SPAG16: variants seen among roughly 807,000 people sequenced by gnomAD.
SPAG16 encodes the protein sperm-associated antigen 16 protein.
In SPAG16, 86 loss-of-function variants were observed where a neutral mutation model predicts 80.4. That is an observed-to-expected ratio of 1.07 (90% CI 0.90 to 1.28). The LOEUF is 1.28. Among genes scored for constraint, SPAG16 ranks in the 50% most tolerant of loss-of-function variants. The pLI is 0.00. For missense variants in SPAG16, 870 were observed against 765.3 expected (o/e 1.14, Z -1.61); for synonymous variants, 294 against 265.9 (o/e 1.11, Z -1.03).
At chr2:213,574,073 TTA>T (rs975864583) in intron 10 of SPAG16, among the ~76,000 whole-genome samples, 5 of 152,142 alleles carry the variant, frequency 3.3e-5, no homozygotes, top group African/African-American at 1.2e-4. Context: ...ATAAATAACT[TTA>T]TGTTTTGATA....
intron 10 of SPAG16, among the ~76,000 whole-genome samples, chr2:213,721,662 C>T (rs2066540519): frequency 6.6e-6 from 1 of 152,076 alleles, no homozygotes; most frequent in African/African-American, 2.4e-5. Context: ...AGCACTGAAT[C>T]ATACTGCATG....
chr2:213,375,300 G>A, intron 9 of SPAG16, 181 bp downstream of exon 9: 1 of 458,460 alleles, frequency 2.2e-6, no homozygotes, highest in Non-Finnish European at 4.0e-6. Context: ...AGTTAATTCA[G>A]GGACACAGGC....
At chr2:213,909,722 T>C (rs566587009) in intron 11 of SPAG16, among the ~76,000 whole-genome samples, 157 of 152,234 alleles carry the variant, frequency 1.0e-3, no homozygotes, top group South Asian at 1.2e-3. Context: ...ATACAAAAAT[T>C]AATTCAAGAT....
At chr2:214,042,571 A>G (rs1414135676) in intron 13 of SPAG16, among the ~76,000 whole-genome samples, 1 of 152,186 alleles carries the variant, frequency 6.6e-6, no homozygotes, top group Non-Finnish European at 1.5e-5. Context: ...TAGGAAAAAT[A>G]TTATCCTTTG....
intron 9 of SPAG16, among the ~76,000 whole-genome samples, chr2:213,380,185 A>G (rs1204054243): frequency 2.0e-5 from 3 of 152,088 alleles, no homozygotes; most frequent in African/African-American, 7.2e-5. Context: ...CTTCCATGCA[A>G]AGTGCACAAC....
intron 10 of SPAG16, among the ~76,000 whole-genome samples, chr2:213,776,834 C>A (rs529330538): frequency 8.0e-5 from 10 of 125,636 alleles, no homozygotes; most frequent in East Asian, 3.0e-4. Flanking sequence ...CCACCCCCCC[C>A]CCACCCCAGG....
chr2:213,834,838 G>A (rs2073988312), intron 10 of SPAG16, among the ~76,000 whole-genome samples: 1 of 152,102 alleles, frequency 6.6e-6, no homozygotes, highest in Admixed American at 6.6e-5. Flanking sequence ...ATCATATTCT[G>A]TTTGCCTTCA....
At chr2:214,233,368 G>T (rs1238441107) in intron 15 of SPAG16, among the ~76,000 whole-genome samples, 1 of 151,766 alleles carries the variant, frequency 6.6e-6, no homozygotes, top group Non-Finnish European at 1.5e-5. Flanking sequence ...TGATGATGAT[G>T]ATGATGATGA....
intron 10 of SPAG16, among the ~76,000 whole-genome samples, chr2:213,712,016 A>C (rs2066015618): frequency 6.6e-6 from 1 of 151,952 alleles, no homozygotes. Flanking sequence ...CACCATTCTC[A>C]TTATCTACAC....
intron 11 of SPAG16, among the ~76,000 whole-genome samples, chr2:213,915,129 CT>C (rs111327225): frequency 0.26 from 38,738 of 146,356 alleles, 5,313 homozygotes; most frequent in South Asian, 0.37. Flanking sequence ...CCCCCCACCT[CT>C]TTTTTTTTTT....
intron 10 of SPAG16, among the ~76,000 whole-genome samples, chr2:213,758,676 A>G (rs1246184993): frequency 1.3e-5 from 2 of 152,202 alleles, no homozygotes; most frequent in Non-Finnish European, 2.9e-5. Flanking sequence ...AAAAGTAAAC[A>G]GAGTCTAAGG....
chr2:214,079,454 A>G (rs1339997053), intron 13 of SPAG16, among the ~76,000 whole-genome samples: 2 of 152,240 alleles, frequency 1.3e-5, no homozygotes, highest in African/African-American at 2.4e-5. Context: ...AAATTTTGCT[A>G]CAGTTAAAAT....
At chr2:213,339,927 A>C (rs2064585659) in intron 5 of SPAG16, among the ~76,000 whole-genome samples, 1 of 152,178 alleles carries the variant, frequency 6.6e-6, no homozygotes, top group Admixed American at 6.6e-5. Flanking sequence ...ACTTAGATGA[A>C]ATGTAGATGA....
chr2:214,024,047 A>G (rs2125018159), intron 13 of SPAG16, among the ~76,000 whole-genome samples: 1 of 151,760 alleles, frequency 6.6e-6, no homozygotes, highest in Admixed American at 6.6e-5. Flanking sequence ...TGGAATGTAG[A>G]GATATGGTGT....
intron 15 of SPAG16, among the ~76,000 whole-genome samples, chr2:214,385,995 G>A (rs984894431): frequency 3.9e-5 from 6 of 152,012 alleles, no homozygotes; most frequent in Non-Finnish European, 5.9e-5. Flanking sequence ...CTCTTTTTCG[G>A]GATCTTGATT....
At chr2:213,444,932 TAAATC>T (rs2071202483) in intron 9 of SPAG16, among the ~76,000 whole-genome samples, 1 of 151,946 alleles carries the variant, frequency 6.6e-6, no homozygotes, top group Non-Finnish European at 1.5e-5. Context: ...AATTCAGAAA[TAAATC>T]CACTCATTTA....
intron 10 of SPAG16, among the ~76,000 whole-genome samples, chr2:213,622,092 A>G (rs1450093733): frequency 6.6e-6 from 1 of 152,200 alleles, no homozygotes; most frequent in Non-Finnish European, 1.5e-5. Context: ...AATACACCTG[A>G]ACAATTAAAG....
chr2:213,401,782 T>C (rs2068322905), intron 9 of SPAG16, among the ~76,000 whole-genome samples: 2 of 152,152 alleles, frequency 1.3e-5, no homozygotes, highest in African/African-American at 2.4e-5. Context: ...TTTTTTGCTT[T>C]ATGTTAATTT....
intron 15 of SPAG16, among the ~76,000 whole-genome samples, chr2:214,368,683 C>T (rs528256836): frequency 1.7e-4 from 26 of 152,134 alleles, no homozygotes; most frequent in South Asian, 6.2e-4. Flanking sequence ...TTATCCTGAA[C>T]GAATGTAAAA....
Sources: allele counts gnomAD v4.1 joint callset (sites outside exome capture counted in the v4.1 genomes callset), GRCh38; gene constraint gnomAD v4.1.1; transcripts MANE v1.5; gene names NCBI Gene and HGNC (gene_info 2026-07-23, HGNC 2026-07-21).